CA10: variants seen among roughly 807,000 people sequenced by gnomAD.
CA10 encodes carbonic anhydrase 10 (inactive).
Under a neutral mutation model 44.2 loss-of-function variants are expected in CA10, and 14 were observed. That is an observed-to-expected ratio of 0.32 (90% CI 0.21 to 0.50). The LOEUF (loss-of-function observed/expected upper bound fraction) is 0.50. Ranked by LOEUF, CA10 falls within the 20% of genes least tolerant of loss-of-function variation. The probability of loss-of-function intolerance (pLI) is 0.99; values close to 1 mark genes in which losing one functional copy is unlikely to be tolerated. For synonymous variants in CA10, 159 were observed against 141.6 expected (o/e 1.12, Z -0.87); for missense variants, 350 against 409.7 (o/e 0.85, Z 1.26).
intron 2 of CA10, among the ~76,000 whole-genome samples, chr17:52,045,232 A>G (rs192815811): frequency 6.6e-6 from 1 of 152,092 alleles, no homozygotes; most frequent in Admixed American, 6.5e-5. Flanking sequence ...TTATAAATAA[A>G]GGTTAAATAA....
chr17:51,783,650 CAAGAA>C (rs1024151045), intron 3 of CA10, among the ~76,000 whole-genome samples: 14 of 152,064 alleles, frequency 9.2e-5, no homozygotes, highest in Non-Finnish European at 1.6e-4. Context: ...GAAAAGGAGA[CAAGAA>C]AAGAAAAGGC....
At chr17:51,932,568 T>C (rs1392574091) in intron 2 of CA10, among the ~76,000 whole-genome samples, 1 of 152,128 alleles carries the variant, frequency 6.6e-6, no homozygotes, top group African/African-American at 2.4e-5. Flanking sequence ...AATATCTAAT[T>C]TGGTTTCATC....
Position 51,631,378 on chromosome 17 carries a change from TTG to T in CA10, c.*204_*205del. ...TGTGTTTGTATGTATGTGCAAGTGC[TTG>T]TGTGTGTGTTTGTGAGTATGTGTGA... On this transcript the variant is annotated 3_prime_UTR_variant, in exon 9 of 9. Transcript: ENST00000451037. 5 of 640,188 alleles carry T rather than the reference TTG, an allele frequency of 7.8e-6. No homozygotes were observed. Among genetic ancestry groups the T allele is most frequent in the South Asian group, 1.9e-5 (1 of 53,992 alleles). The allele number at this position is 640,188 out of a possible 1,614,324, so 39.7% of individuals were successfully genotyped here.
chr17:51,655,284 T>C (rs1203023925), intron 4 of CA10, among the ~76,000 whole-genome samples: 1 of 152,234 alleles, frequency 6.6e-6, no homozygotes, highest in African/African-American at 2.4e-5. Context: ...ATAAACAATG[T>C]CACAGCAAGC....
At chr17:51,668,246 G>T (rs1431336403) in intron 4 of CA10, among the ~76,000 whole-genome samples, 1 of 152,208 alleles carries the variant, frequency 6.6e-6, no homozygotes, top group African/African-American at 2.4e-5. Context: ...TGCATGCCAT[G>T]CCAGCTACTG....
chr17:51,953,506 T>C (rs1983560670), intron 2 of CA10, among the ~76,000 whole-genome samples: 1 of 152,028 alleles, frequency 6.6e-6, no homozygotes, highest in Admixed American at 6.6e-5. Context: ...GATTTCCTGC[T>C]GGAAATTTTA....
chr17:51,916,087 AT>A (rs1400261486), intron 3 of CA10, among the ~76,000 whole-genome samples: 1 of 152,228 alleles, frequency 6.6e-6, no homozygotes, highest in East Asian at 1.9e-4. Flanking sequence ...CTCTCTTTAG[AT>A]TTTGAACGTA....
chr17:52,037,036 G>A (rs1479299162), intron 2 of CA10, among the ~76,000 whole-genome samples: 1 of 152,060 alleles, frequency 6.6e-6, no homozygotes, highest in Non-Finnish European at 1.5e-5. Flanking sequence ...AATTGAAGGA[G>A]GAGAGAATGA....
chr17:51,684,431 G>A lies in CA10; in HGVS notation c.466-30695C>T, dbSNP rs114556411. The stretch of plus-strand genomic sequence containing the variant: ...CCCACCGTTCCCAGTGTTTATCAGT[G>A]GGGTGCTATTGTCATGTGAGTGGAG... On this transcript the variant is annotated intron_variant, in intron 4 of 8. Transcript: ENST00000451037. 2.9e-3 allele frequency among the ~76,000 whole-genome samples: 448 copies of A among 152,284 alleles called. 2 individuals carry two copies. The highest frequency in any genetic ancestry group is 0.01 in the African/African-American group (432 of 41,552).
At chr17:51,968,515 A>C (rs1598145175) in intron 2 of CA10, among the ~76,000 whole-genome samples, 1 of 151,912 alleles carries the variant, frequency 6.6e-6, no homozygotes, top group South Asian at 2.1e-4. Context: ...TTCCATTTAT[A>C]CGACTTTCTA....
At chr17:52,040,468 C>T (rs375490360) in intron 2 of CA10, among the ~76,000 whole-genome samples, 2 of 152,154 alleles carry the variant, frequency 1.3e-5, no homozygotes, top group Admixed American at 1.3e-4. Context: ...AAGAAACTTT[C>T]ATTTCAGACC....
intron 4 of CA10, among the ~76,000 whole-genome samples, chr17:51,741,620 G>A (rs113366648): frequency 2.9e-4 from 44 of 152,274 alleles, no homozygotes; most frequent in African/African-American, 1.0e-3. Context: ...TTGATTCAGT[G>A]GTTTAATGAC....
At chr17:52,113,841 A>T (rs1423549924) in intron 1 of CA10, among the ~76,000 whole-genome samples, 1 of 152,242 alleles carries the variant, frequency 6.6e-6, no homozygotes, top group African/African-American at 2.4e-5. Flanking sequence ...AATGTGTGTT[A>T]ATCAGTCGCT....
At chr17:51,823,036 C>T (rs1382045800) in intron 3 of CA10, among the ~76,000 whole-genome samples, 1 of 152,162 alleles carries the variant, frequency 6.6e-6, no homozygotes, top group African/African-American at 2.4e-5. Flanking sequence ...TTAAACATTT[C>T]CCCAAGCCCT....
At chr17:51,991,747 T>C (rs1419435882) in intron 2 of CA10, among the ~76,000 whole-genome samples, 2 of 152,126 alleles carry the variant, frequency 1.3e-5, no homozygotes, top group Non-Finnish European at 2.9e-5. Flanking sequence ...AGGAGGAGGT[T>C]GGAGTGAGCC....
intron 3 of CA10, among the ~76,000 whole-genome samples, chr17:51,837,524 A>G (rs1908529294): frequency 6.6e-6 from 1 of 152,192 alleles, no homozygotes; most frequent in Non-Finnish European, 1.5e-5. Context: ...CGAAATAATT[A>G]TCTGAAATGA....
intron 3 of CA10, among the ~76,000 whole-genome samples, chr17:51,870,998 C>T (rs79198754): frequency 0.1 from 14,923 of 148,614 alleles, 941 homozygotes; most frequent in African/African-American, 0.18. Context: ...GTAGAGATTT[C>T]TTCTCTTTTT....
intron 4 of CA10, among the ~76,000 whole-genome samples, chr17:51,676,166 T>G (rs768219038): frequency 6.6e-6 from 1 of 152,252 alleles, no homozygotes; most frequent in Non-Finnish European, 1.5e-5. Flanking sequence ...TGCTGGACTC[T>G]GTACTTTTAT....
chr17:51,770,937 A>G (rs1189881921), intron 3 of CA10, among the ~76,000 whole-genome samples: 1 of 151,938 alleles, frequency 6.6e-6, no homozygotes, highest in Non-Finnish European at 1.5e-5. Context: ...CATCCTGGCC[A>G]ACATGGTGAA....
Sources: gnomAD v4.1 joint callset for allele counts (sites outside exome capture counted in the v4.1 genomes callset) on GRCh38, gnomAD v4.1.1 for gene constraint, MANE v1.5 for transcripts, NCBI Gene and HGNC (gene_info 2026-07-23, HGNC 2026-07-21) for gene names.